Variants in THSD7B observed in about 807,000 individuals in gnomAD.
THSD7B encodes the protein thrombospondin type-1 domain-containing protein 7B.
Under a neutral mutation model 213.6 loss-of-function variants are expected in THSD7B, and 138 were observed. The ratio of observed to expected loss-of-function variants is 0.65; its 90% CI spans 0.56 to 0.74. THSD7B has a LOEUF of 0.74. Among genes scored for constraint, THSD7B ranks in the 30% least tolerant of loss-of-function variants. The probability of loss-of-function intolerance (pLI) is 0.00; values close to 1 mark genes in which losing one functional copy is unlikely to be tolerated. For synonymous variants in THSD7B, 742 were observed against 687.0 expected (o/e 1.08, Z -1.25); for missense variants, 1,931 against 1,991.5 (o/e 0.97, Z 0.58).
chr2:137,372,849 C>A (rs1202071281), intron 12 of THSD7B, among the ~76,000 whole-genome samples: 1 of 111,446 alleles, frequency 9.0e-6, no homozygotes, highest in African/African-American at 3.4e-5. Context: ...CCTTCCCCCT[C>A]CCCCCACCCC....
chr2:137,113,013 C>G (rs1370632134), intron 4 of THSD7B, among the ~76,000 whole-genome samples: 1 of 152,172 alleles, frequency 6.6e-6, no homozygotes, highest in Non-Finnish European at 1.5e-5. Flanking sequence ...TACTTGTCAT[C>G]TGTACCACAC....
intron 21 of THSD7B, among the ~76,000 whole-genome samples, chr2:137,651,527 T>G (rs1409756753): frequency 6.6e-6 from 1 of 152,044 alleles, no homozygotes; most frequent in East Asian, 1.9e-4. Context: ...GATTTGATCA[T>G]TTGATCTTCT....
intron 2 of THSD7B, among the ~76,000 whole-genome samples, chr2:137,023,324 G>A (rs1686480582): frequency 6.6e-6 from 1 of 152,092 alleles, no homozygotes; most frequent in Admixed American, 6.6e-5. Context: ...GCTGTCCAGT[G>A]GCACCAGACA....
intron 1 of THSD7B, among the ~76,000 whole-genome samples, chr2:136,821,346 T>C (rs1682560749): frequency 6.6e-6 from 1 of 152,162 alleles, no homozygotes; most frequent in Admixed American, 6.5e-5. Context: ...ATACTTGATA[T>C]TCATTTATAA....
chr2:136,878,920 A>C (rs993791673), intron 1 of THSD7B, among the ~76,000 whole-genome samples: 6 of 152,112 alleles, frequency 3.9e-5, no homozygotes, highest in Non-Finnish European at 8.8e-5. Flanking sequence ...CTTTAGTTTA[A>C]TTAGATCCCA....
chr2:137,520,764 A>C (rs1680169497), intron 15 of THSD7B, among the ~76,000 whole-genome samples: 1 of 152,220 alleles, frequency 6.6e-6, no homozygotes, highest in Admixed American at 6.5e-5. Context: ...ACCAATAAAC[A>C]TGGCAACATT....
intron 15 of THSD7B, among the ~76,000 whole-genome samples, chr2:137,541,315 A>T (rs996176986): frequency 5.3e-5 from 8 of 151,858 alleles, no homozygotes; most frequent in Middle Eastern, 3.4e-3. Context: ...GAAAAAAAAA[A>T]ATATGGTCCA....
intron 15 of THSD7B, among the ~76,000 whole-genome samples, chr2:137,459,902 T>A (rs1013332384): frequency 9.9e-5 from 15 of 152,110 alleles, no homozygotes; most frequent in Non-Finnish European, 1.2e-4. Context: ...CAAAAATGGT[T>A]TATTTTTGCT....
rs1680641745 is a variant in THSD7B at position 137,543,289 on chromosome 2, A to T, written c.3139-19932A>T. ...GTCTTTTTTTTGCTATACAGAAAAT[A>T]TGTAGAACATTCAGAATCTAAGGAC... On this transcript the variant is annotated intron_variant, in intron 15 of 27. Transcript: ENST00000409968. Among the ~76,000 whole-genome samples the T allele has an allele frequency of 4.0e-5, 6 of 151,842 alleles. No individual in the cohort carries two copies. The South Asian group carries it at 1.2e-3, about 31-fold the overall frequency.
At chr2:136,960,995 A>G (rs1685207469) in intron 2 of THSD7B, among the ~76,000 whole-genome samples, 1 of 146,834 alleles carries the variant, frequency 6.8e-6, no homozygotes, top group Non-Finnish European at 1.5e-5. Context: ...AGGCTGAGGT[A>G]GAAGAATGGC....
chr2:137,499,901 A>T (rs997285131), intron 15 of THSD7B, among the ~76,000 whole-genome samples: 1 of 152,240 alleles, frequency 6.6e-6, no homozygotes, highest in Non-Finnish European at 1.5e-5. Flanking sequence ...TCTGGAATCA[A>T]TGAGGAGCAT....
At chr2:136,865,545 A>G (rs1286429156) in intron 1 of THSD7B, among the ~76,000 whole-genome samples, 1 of 152,178 alleles carries the variant, frequency 6.6e-6, no homozygotes, top group African/African-American at 2.4e-5. Context: ...TGATTCCTTG[A>G]TCCTTCAAAT....
intron 2 of THSD7B, among the ~76,000 whole-genome samples, chr2:137,003,902 C>T (rs189637253): frequency 7.1e-4 from 108 of 152,246 alleles, no homozygotes; most frequent in African/African-American, 2.6e-3. Flanking sequence ...TCAGACTTTA[C>T]CGCATTTTAT....
Position 137,022,511 on chromosome 2 carries a change from A to T in THSD7B, c.140-33909A>T, listed in dbSNP as rs1214615259. On this transcript the variant is annotated intron_variant, in intron 2 of 27. Transcript: ENST00000409968. ...GATATGCCATAAGTGTAAAATATAC[A>T]TTGGGTTTTGAAGATGTACCACAAA... 3.3e-5 allele frequency among the ~76,000 whole-genome samples: 5 copies of T among 152,106 alleles called. No individual in the cohort carries two copies. The East Asian group carries it at 9.6e-4, about 29-fold the overall frequency.
chr2:137,503,834 G>A (rs1679769788), intron 15 of THSD7B, among the ~76,000 whole-genome samples: 1 of 151,938 alleles, frequency 6.6e-6, no homozygotes, highest in Non-Finnish European at 1.5e-5. Context: ...AGACTATCCT[G>A]GCCAACATGG....
intron 15 of THSD7B, among the ~76,000 whole-genome samples, chr2:137,455,855 G>A (rs1017304753): frequency 6.6e-6 from 1 of 152,098 alleles, no homozygotes; most frequent in African/African-American, 2.4e-5. Flanking sequence ...TTTTTTAAAT[G>A]TTGCCTAATA....
At chr2:137,350,733 T>C (rs1684995440) in intron 12 of THSD7B, among the ~76,000 whole-genome samples, 1 of 151,706 alleles carries the variant, frequency 6.6e-6, no homozygotes, top group Admixed American at 6.6e-5. Flanking sequence ...GGAGACAGGA[T>C]CGTAGCTTTG....
intron 12 of THSD7B, among the ~76,000 whole-genome samples, chr2:137,346,907 C>T (rs1684888342): frequency 6.6e-6 from 1 of 151,674 alleles, no homozygotes; most frequent in Non-Finnish European, 1.5e-5. Flanking sequence ...ACAAATATCT[C>T]TTTGAGATTC....
chr2:136,843,802 G>A (rs906806128), intron 1 of THSD7B, among the ~76,000 whole-genome samples: 1 of 152,180 alleles, frequency 6.6e-6, no homozygotes, highest in Non-Finnish European at 1.5e-5. Flanking sequence ...CAGTTTTGGG[G>A]TGGCTGCTTC....
Sources: gnomAD v4.1 joint callset for allele counts (sites outside exome capture counted in the v4.1 genomes callset) on GRCh38, gnomAD v4.1.1 for gene constraint, MANE v1.5 for transcripts, NCBI Gene and HGNC (gene_info 2026-07-23, HGNC 2026-07-21) for gene names.